The following RASGRP3 variants were observed in gnomAD, a reference collection of about 807,000 sequenced individuals.
The protein encoded by RASGRP3 is ras guanyl-releasing protein 3.
A neutral mutation model predicts 82.7 loss-of-function variants in RASGRP3; 54 were observed. That is an observed-to-expected ratio of 0.65 (90% confidence interval 0.52 to 0.82). The LOEUF (loss-of-function observed/expected upper bound fraction) is 0.82. RASGRP3 is among the 40% of genes least tolerant of loss of function. The pLI is 0.00. For missense variants in RASGRP3, 861 were observed against 828.9 expected, an observed-to-expected ratio of 1.04 and a Z score of -0.48; for synonymous variants, 309 against 300.5, an observed-to-expected ratio of 1.03 and a Z score of -0.29.
intron 2 of RASGRP3, among the ~76,000 whole-genome samples, chr2:33,471,539 T>C (rs1264367776): frequency 1.3e-5 from 2 of 151,998 alleles, no homozygotes; most frequent in African/African-American, 4.8e-5. Context: ...TCTGTGGTTT[T>C]CTTTATTATG....
intron 8 of RASGRP3, 82 bp downstream of exon 8, chr2:33,524,134 G>A (rs953773577): frequency 1.6e-5 from 24 of 1,487,788 alleles, no homozygotes; most frequent in South Asian, 8.4e-5. Flanking sequence ...GAAATGTGGC[G>A]TTCACAGTAT....
chr2:33,529,729 C>G (rs899139126), intron 10 of RASGRP3, among the ~76,000 whole-genome samples: 9 of 152,078 alleles, frequency 5.9e-5, no homozygotes, highest in African/African-American at 2.2e-4. Flanking sequence ...TTGGTTTTGT[C>G]TCCTTGCTAA....
intron 13 of RASGRP3, among the ~76,000 whole-genome samples, chr2:33,544,438 T>C (rs2151080148): frequency 6.6e-6 from 1 of 152,322 alleles, no homozygotes; most frequent in East Asian, 1.9e-4. Context: ...AAAAATATAT[T>C]GCTTTTTAGC....
chr2:33,522,157 C>T lies in RASGRP3; in HGVS notation c.516+55C>T, dbSNP rs530395898. On this transcript the variant is annotated intron_variant, in intron 7 of 17. Coordinates refer to ENST00000403687, the MANE Select transcript of RASGRP3 (RefSeq NM_001139488.2). ...GATAACAACCACCATGCCAACTTTC[C>T]CAAGAGCTGCATTTTCATACTCTGA... 1.7e-4 allele frequency: 266 copies of T among 1,543,896 alleles called. 5 individuals are homozygous for T. In the South Asian group the frequency reaches 3.0e-3, roughly 18 times the overall value.
chr2:33,510,316 A>G (rs936900724), intron 1 of RASGRP3, among the ~76,000 whole-genome samples: 1 of 152,234 alleles, frequency 6.6e-6, no homozygotes, highest in Non-Finnish European at 1.5e-5. Flanking sequence ...ACTAGTTACA[A>G]TATTTCACCT....
At chr2:33,481,602 G>A (rs1042120960) in intron 1 of RASGRP3, 4 of 152,192 alleles carry the variant, frequency 2.6e-5, no homozygotes, top group South Asian at 2.1e-4. Flanking sequence ...CTGGATAACC[G>A]ATTTGCGACA....
chr2:33,487,891 G>A (rs921613080), intron 1 of RASGRP3, among the ~76,000 whole-genome samples: 1 of 152,114 alleles, frequency 6.6e-6, no homozygotes, highest in Admixed American at 6.5e-5. Flanking sequence ...CTTGAGCTCG[G>A]GAATTCTGAG....
chr2:33,437,891 C>T (rs1665010090), intron 1 of RASGRP3, among the ~76,000 whole-genome samples: 1 of 151,732 alleles, frequency 6.6e-6, no homozygotes, highest in African/African-American at 2.4e-5. Flanking sequence ...AAGAAACAAA[C>T]AAACAAACCC....
At chr2:33,449,041 G>A (rs895833268) in intron 2 of RASGRP3, among the ~76,000 whole-genome samples, 1 of 152,180 alleles carries the variant, frequency 6.6e-6, no homozygotes, top group Non-Finnish European at 1.5e-5. Flanking sequence ...GATTAGACAT[G>A]TTTTTCAAAT....
chr2:33,485,349 G>A (rs1244771127), intron 1 of RASGRP3, among the ~76,000 whole-genome samples: 1 of 152,162 alleles, frequency 6.6e-6, no homozygotes, highest in Non-Finnish European at 1.5e-5. Flanking sequence ...AAATATCCCT[G>A]GACTCTGGAT....
chr2:33,528,605 A>G (rs1472823857), intron 10 of RASGRP3, among the ~76,000 whole-genome samples: 1 of 152,176 alleles, frequency 6.6e-6, no homozygotes, highest in African/African-American at 2.4e-5. Flanking sequence ...ACTCCTCTTA[A>G]TTTCTGAGAG....
At chr2:33,442,763 C>G (rs1249429861) in intron 1 of RASGRP3, among the ~76,000 whole-genome samples, 2 of 152,144 alleles carry the variant, frequency 1.3e-5, no homozygotes, top group Non-Finnish European at 2.9e-5. Context: ...TATGGGCAGA[C>G]AAGATGGTCA....
At chr2:33,504,148 G>A (rs1670134994) in intron 1 of RASGRP3, among the ~76,000 whole-genome samples, 1 of 152,010 alleles carries the variant, frequency 6.6e-6, no homozygotes, top group South Asian at 2.1e-4. Context: ...GCCTAATTCT[G>A]GAATCATGTT....
Position 33,556,928 on chromosome 2 carries a change from C to CACACACACACACACATACAT in RASGRP3, c.1580-1283_1580-1282insACACACACACACACATACAT, listed in dbSNP as rs1553366467. ...ACACACACACACACACACACACACACGCAATTTTATAAAGATGAAAATCTA... is the reference window on the plus strand; with the variant it reads ...ACACACACACACACACACACACACACACACACACACACACATACATGCAATTTTATAAAGATGAAAATCTA... On this transcript the variant is annotated intron_variant, in intron 15 of 17. Transcript: ENST00000403687. Among the ~76,000 whole-genome samples, 332 of 148,404 alleles carry CACACACACACACACATACAT rather than the reference C, an allele frequency of 2.2e-3. 2 individuals are homozygous for CACACACACACACACATACAT. The highest frequency in any genetic ancestry group is 5.3e-3 in the African/African-American group (209 of 39,750).
At chr2:33,495,014 A>C (rs1371769078) in intron 1 of RASGRP3, among the ~76,000 whole-genome samples, 3 of 152,190 alleles carry the variant, frequency 2.0e-5, no homozygotes, top group Non-Finnish European at 4.4e-5. Flanking sequence ...TAGAGTAAAC[A>C]TGTGTCAGAA....
At chr2:33,462,227 C>T (rs927727713) in intron 2 of RASGRP3, among the ~76,000 whole-genome samples, 1 of 151,932 alleles carries the variant, frequency 6.6e-6, no homozygotes, top group Admixed American at 6.6e-5. Flanking sequence ...TAGTGAGCTG[C>T]CATGTGAACC....
Position 33,540,553 on chromosome 2 carries a change from GTTTTGT to G in RASGRP3, c.1278+1344_1278+1349del, listed in dbSNP as rs1330862604. On this transcript the variant is annotated intron_variant, in intron 12 of 17. Coordinates refer to ENST00000403687, the MANE Select transcript of RASGRP3 (RefSeq NM_001139488.2). ...TCTCTCTCTCTCTCTCTGTGTGTGTGTTTTGTGTGTGTGTGTGTGTGTGTGTGTGTG... is the reference window on the plus strand; with the variant it reads ...TCTCTCTCTCTCTCTCTGTGTGTGTGGTGTGTGTGTGTGTGTGTGTGTGTG... Among the ~76,000 whole-genome samples, 21 of 126,184 alleles carry G rather than the reference GTTTTGT, an allele frequency of 1.7e-4. 1 individual carries two copies. The highest frequency in any genetic ancestry group is 5.8e-4 in the African/African-American group (20 of 34,462). 82.8% of individuals were successfully genotyped at this position (126,184 alleles called of 152,430 possible).
chr2:33,444,127 A>T (rs1198992505), intron 1 of RASGRP3, among the ~76,000 whole-genome samples: 1 of 151,930 alleles, frequency 6.6e-6, no homozygotes, highest in African/African-American at 2.4e-5. Context: ...GCATGGCAAG[A>T]CCCTGTCTCT....
At chr2:33,534,990 A>C (rs1022599285) in intron 11 of RASGRP3, among the ~76,000 whole-genome samples, 16 of 152,148 alleles carry the variant, frequency 1.1e-4, no homozygotes, top group Admixed American at 2.6e-4. Flanking sequence ...CTAAGAACTC[A>C]TTACACCTAG....
Sources: allele counts gnomAD v4.1 joint callset (sites outside exome capture counted in the v4.1 genomes callset), GRCh38; gene constraint gnomAD v4.1.1; transcripts MANE v1.5; gene names NCBI Gene and HGNC (gene_info 2026-07-23, HGNC 2026-07-21).